Variants in CES5A observed in about 807,000 individuals in gnomAD.
The protein encoded by CES5A is carboxylesterase 5.
Under a neutral mutation model 62.9 loss-of-function variants are expected in CES5A, and 67 were observed. The observed-to-expected ratio is 1.07, with a 90% CI of 0.88 to 1.31. The LOEUF is 1.31. Among genes scored for constraint, CES5A ranks in the 50% most tolerant of loss-of-function variants. The probability of loss-of-function intolerance (pLI) is 0.00; values close to 1 mark genes in which losing one functional copy is unlikely to be tolerated. For synonymous variants in CES5A, 296 were observed against 280.8 expected (o/e 1.05, Z -0.54); for missense variants, 748 against 708.5 (o/e 1.06, Z -0.63).
intron 1 of CES5A, among the ~76,000 whole-genome samples, chr16:55,917,810 A>G (rs1419989172): frequency 1.3e-5 from 2 of 152,190 alleles, no homozygotes; most frequent in Non-Finnish European, 2.9e-5. Flanking sequence ...CACTGAGGCC[A>G]TCTTAAACAT....
chr16:55,880,506 C>A (rs1487298913), intron 1 of CES5A, among the ~76,000 whole-genome samples: 2 of 152,150 alleles, frequency 1.3e-5, no homozygotes, highest in African/African-American at 2.4e-5. Context: ...TACCTTTTTA[C>A]CCAAATCCCT....
At chr16:55,902,059 G>A (rs1165948945) in intron 1 of CES5A, among the ~76,000 whole-genome samples, 1 of 152,102 alleles carries the variant, frequency 6.6e-6, no homozygotes, top group African/African-American at 2.4e-5. Context: ...CAGCCTTTTT[G>A]ACTGTGCATT....
At chr16:55,851,388 A>G (rs2033130476) in intron 10 of CES5A, among the ~76,000 whole-genome samples, 3 of 152,244 alleles carry the variant, frequency 2.0e-5, no homozygotes, top group Non-Finnish European at 4.4e-5. Context: ...ACATGAAAAG[A>G]TGCTCAACAT....
chr16:55,941,620 C>A (rs143412559), intron 2 of CES5A, among the ~76,000 whole-genome samples: 1 of 151,590 alleles, frequency 6.6e-6, no homozygotes, highest in African/African-American at 2.4e-5. Context: ...AGTGGACTTT[C>A]GAATTTATAT....
intron 2 of CES5A, among the ~76,000 whole-genome samples, chr16:55,940,149 A>G (rs917620195): frequency 6.6e-6 from 1 of 152,116 alleles, no homozygotes; most frequent in Admixed American, 6.5e-5. Flanking sequence ...AAGAAGAGTA[A>G]AACAAAACCA....
intron 3 of CES5A, 43 bp downstream of exon 3, chr16:55,871,582 G>C: frequency 6.2e-7 from 1 of 1,609,398 alleles, no homozygotes; most frequent in Non-Finnish European, 8.5e-7. Context: ...CCAGGCCAAG[G>C]TCCTGCTAGC....
chr16:55,932,385 A>C (rs1229176030), intron 2 of CES5A, among the ~76,000 whole-genome samples: 1 of 152,222 alleles, frequency 6.6e-6, no homozygotes, highest in African/African-American at 2.4e-5. Context: ...ACAGACTAAG[A>C]CACTGGGGGT....
chr16:55,914,862 G>A (rs368625133), intron 1 of CES5A, among the ~76,000 whole-genome samples: 7 of 152,258 alleles, frequency 4.6e-5, no homozygotes, highest in Non-Finnish European at 5.9e-5. Context: ...TTGTACCCTC[G>A]TTAATTTTTT....
intron 2 of CES5A, among the ~76,000 whole-genome samples, chr16:55,933,501 C>T (rs2034335303): frequency 6.6e-6 from 1 of 152,114 alleles, no homozygotes; most frequent in South Asian, 2.1e-4. Flanking sequence ...TTGCCCTTCC[C>T]TTCCAATGAA....
chr16:55,869,030 G>A (rs1365975202), intron 4 of CES5A, among the ~76,000 whole-genome samples: 1 of 152,248 alleles, frequency 6.6e-6, no homozygotes, highest in Non-Finnish European at 1.5e-5. Flanking sequence ...ATAGAGTGAT[G>A]ATTCTCAGGT....
Position 55,857,651 on chromosome 16 carries a change from G to A in CES5A, c.1057-1206C>T, listed in dbSNP as rs531494570. On this transcript the variant is annotated intron_variant, in intron 8 of 12. Coordinates refer to ENST00000290567, the MANE Select transcript of CES5A (RefSeq NM_001143685.2). ...TCCTGTGGCCTCTAACAGCTAGCAA[G>A]GGGTTTAACTGCAAATTCACATGGA... is the stretch of plus-strand genomic sequence containing the variant. Among the ~76,000 whole-genome samples the A allele has an allele frequency of 1.4e-4, 21 of 152,290 alleles. No homozygotes were observed. In the South Asian group the frequency reaches 4.4e-3, roughly 32 times the overall value.
chr16:55,876,869 G>A (rs1161102735), upstream of CES5A, among the ~76,000 whole-genome samples: 2 of 152,182 alleles, frequency 1.3e-5, no homozygotes, highest in African/African-American at 4.8e-5. Flanking sequence ...GCTAGAGGAG[G>A]AGGAAGGCAG....
At chr16:55,926,999 T>C (rs547648201), upstream of CES5A, among the ~76,000 whole-genome samples, 1 of 152,294 alleles carries the variant, frequency 6.6e-6, no homozygotes, top group East Asian at 1.9e-4. Flanking sequence ...ATCTCACTTA[T>C]TTAAAATTTC....
chr16:55,885,274 T>C (rs2033803308), intron 1 of CES5A, among the ~76,000 whole-genome samples: 1 of 152,130 alleles, frequency 6.6e-6, no homozygotes, highest in Admixed American at 6.5e-5. Flanking sequence ...GCCTCGTCAA[T>C]CACCCAAGAT....
At chr16:55,896,170 G>T (rs1298753382) in intron 1 of CES5A, among the ~76,000 whole-genome samples, 2 of 152,220 alleles carry the variant, frequency 1.3e-5, no homozygotes, top group Admixed American at 1.3e-4. Context: ...TGGCAGGCAA[G>T]AGAGAGAGCA....
chr16:55,934,016 CTTG>C (rs150731879), intron 2 of CES5A, among the ~76,000 whole-genome samples: 1,743 of 152,226 alleles, frequency 0.011, 56 homozygotes, highest in East Asian at 0.099. Flanking sequence ...GGCCCTTGCA[CTTG>C]TTGTTCCTGC....
chr16:55,892,999 G>T (rs1377669965), intron 1 of CES5A, among the ~76,000 whole-genome samples: 1 of 152,188 alleles, frequency 6.6e-6, no homozygotes. Flanking sequence ...ATGTGGTTTA[G>T]CCTGGCAGGT....
exon 2 of CES5A, chr16:55,949,800 T>C: frequency 1.3e-6 from 2 of 1,484,688 alleles, no homozygotes; most frequent in East Asian, 2.5e-5. Flanking sequence ...TCTTTGGAAG[T>C]GTAGTTTAAG....
intron 8 of CES5A, among the ~76,000 whole-genome samples, chr16:55,857,915 G>C (rs1302163919): frequency 6.9e-6 from 1 of 145,470 alleles, no homozygotes; most frequent in African/African-American, 2.4e-5. Context: ...GGAGAGCCTA[G>C]GCTGGGTACC....
Sources: allele counts gnomAD v4.1 joint callset (sites outside exome capture counted in the v4.1 genomes callset), GRCh38; gene constraint gnomAD v4.1.1; transcripts MANE v1.5; gene names NCBI Gene and HGNC (gene_info 2026-07-23, HGNC 2026-07-21).